Variants in RNASEH2B observed in about 807,000 individuals in gnomAD.
The protein encoded by RNASEH2B is ribonuclease H2 subunit B.
In RNASEH2B, 36 loss-of-function variants were observed where a neutral mutation model predicts 45.0. The observed-to-expected ratio is 0.80, with a 90% confidence interval of 0.61 to 1.06. RNASEH2B has a LOEUF of 1.06. Ranked by LOEUF, RNASEH2B falls within the 50% of genes least tolerant of loss-of-function variation. The probability of loss-of-function intolerance (pLI) is 0.00; values close to 1 mark genes in which losing one functional copy is unlikely to be tolerated. For synonymous variants in RNASEH2B, 119 were observed against 125.7 expected (o/e 0.95, Z 0.35); for missense variants, 361 against 360.3 (o/e 1.00, Z -0.02).
chr13:50,960,115 T>G, downstream of RNASEH2B: 1 of 1,056,556 alleles, frequency 9.5e-7, no homozygotes. Context: ...GATATTTTCA[T>G]TGCTATTAAT....
At chr13:50,965,427 C>G (rs985129968) in intron 9 of RNASEH2B, among the ~76,000 whole-genome samples, 4 of 152,348 alleles carry the variant, frequency 2.6e-5, no homozygotes, top group South Asian at 4.1e-4. Context: ...TTAAGCAACA[C>G]ATGACTGTAC....
intron 5 of RNASEH2B, chr13:50,938,334 C>T (rs1447768622): frequency 6.6e-6 from 1 of 152,034 alleles, no homozygotes; most frequent in Non-Finnish European, 1.5e-5. Flanking sequence ...TTTAAGGTAT[C>T]TATTTTCCCC....
intron 5 of RNASEH2B, chr13:50,937,963 G>A (rs1312856342): frequency 6.6e-6 from 1 of 152,114 alleles, no homozygotes; most frequent in Non-Finnish European, 1.5e-5. Context: ...ACAAGAAAAA[G>A]ACATACAGAT....
At chr13:50,949,803 A>G (rs1447863100) in intron 9 of RNASEH2B, among the ~76,000 whole-genome samples, 1 of 152,226 alleles carries the variant, frequency 6.6e-6, no homozygotes, top group Non-Finnish European at 1.5e-5. Context: ...CATTAGTTAG[A>G]TCACTTAATT....
chr13:50,913,280 C>G (rs1879536864), intron 1 of RNASEH2B: 1 of 152,072 alleles, frequency 6.6e-6, no homozygotes, highest in Non-Finnish European at 1.5e-5. Context: ...TTTTTCTGCC[C>G]TAAAAGTAAA....
intron 9 of RNASEH2B, among the ~76,000 whole-genome samples, chr13:50,963,111 C>G (rs533225328): frequency 6.6e-6 from 1 of 152,018 alleles, no homozygotes; most frequent in South Asian, 2.1e-4. Flanking sequence ...AGCATTTCAT[C>G]TTCTGTTAAC....
At chr13:50,964,463 AGAGTGCCATAC>A (rs1219102883) in intron 9 of RNASEH2B, among the ~76,000 whole-genome samples, 1 of 152,198 alleles carries the variant, frequency 6.6e-6, no homozygotes, top group Non-Finnish European at 1.5e-5. Flanking sequence ...TTATAATCAT[AGAGTGCCATAC>A]GAGCCAGAAT....
intron 4 of RNASEH2B, chr13:50,934,331 C>A (rs1951717850): frequency 6.5e-6 from 1 of 154,938 alleles, no homozygotes; most frequent in Admixed American, 6.3e-5. Flanking sequence ...CTCCCTCTGG[C>A]TGTCTTTTCT....
intron 3 of RNASEH2B, among the ~76,000 whole-genome samples, chr13:50,929,786 G>A (rs1210468697): frequency 1.3e-5 from 2 of 152,066 alleles, no homozygotes; most frequent in East Asian, 1.9e-4. Context: ...TGTCTTAGAC[G>A]GTAGGAAGTT....
chr13:50,912,471 G>A (rs1463450669), intron 1 of RNASEH2B: 1 of 152,244 alleles, frequency 6.6e-6, no homozygotes, highest in African/African-American at 2.4e-5. Flanking sequence ...TGGGATATAA[G>A]AATGACAAGC....
chr13:50,934,743 A>G, intron 4 of RNASEH2B, 142 bp from the exon 5 acceptor site: 2 of 696,586 alleles, frequency 2.9e-6, no homozygotes, highest in Admixed American at 2.0e-5. Flanking sequence ...AGCCTGTCCC[A>G]TTGTAGGGAT....
intron 4 of RNASEH2B, among the ~76,000 whole-genome samples, chr13:50,933,001 C>T (rs1233854269): frequency 2.6e-5 from 4 of 152,184 alleles, no homozygotes; most frequent in African/African-American, 4.8e-5. Context: ...TATCTGGAAG[C>T]TACTGTGATG....
intron 1 of RNASEH2B, chr13:50,927,055 G>T (rs956207115): frequency 3.8e-6 from 1 of 261,758 alleles, no homozygotes; most frequent in South Asian, 4.2e-5. Flanking sequence ...TGAAAAACAA[G>T]TATACTATTA....
At chr13:50,966,295 T>G (rs1426664070) in intron 9 of RNASEH2B, among the ~76,000 whole-genome samples, 3 of 152,204 alleles carry the variant, frequency 2.0e-5, no homozygotes, top group Non-Finnish European at 4.4e-5. Flanking sequence ...CCTTTAGAAT[T>G]CTTTAAGGAA....
chr13:50,969,253 G>T (rs1209820717), intron 9 of RNASEH2B, among the ~76,000 whole-genome samples: 2 of 152,098 alleles, frequency 1.3e-5, no homozygotes, highest in African/African-American at 4.8e-5. Flanking sequence ...GGTCAGGGAA[G>T]GCCTTGCTTC....
chr13:50,914,833 T>C (rs1879646149), intron 1 of RNASEH2B, among the ~76,000 whole-genome samples: 1 of 152,246 alleles, frequency 6.6e-6, no homozygotes, highest in African/African-American at 2.4e-5. Flanking sequence ...GCAGTGTTCA[T>C]GATTTTTTAT....
At chr13:50,910,273 A>G (rs1204354801) in intron 1 of RNASEH2B, 133 bp downstream of exon 1, 1 of 557,062 alleles carries the variant, frequency 1.8e-6, no homozygotes, top group African/African-American at 2.0e-5. Flanking sequence ...TCTCTGGGAC[A>G]GCTGGCCCCG....
At chr13:50,938,713 C>T (rs943943342) in intron 5 of RNASEH2B, 1 of 152,280 alleles carries the variant, frequency 6.6e-6, no homozygotes, top group African/African-American at 2.4e-5. Flanking sequence ...TGACAGGAGG[C>T]AGAGCTCAGC....
At chr13:50,934,026 T>C (rs1951714390) in intron 4 of RNASEH2B, 2 of 152,336 alleles carry the variant, frequency 1.3e-5, no homozygotes, top group Non-Finnish European at 1.5e-5. Context: ...AGATGCAGTT[T>C]TTGTGTCTTC....
Sources: gnomAD v4.1 joint callset for allele counts (sites outside exome capture counted in the v4.1 genomes callset) on GRCh38, gnomAD v4.1.1 for gene constraint, MANE v1.5 for transcripts, NCBI Gene and HGNC (gene_info 2026-07-23, HGNC 2026-07-21) for gene names.